Variants in CYP3A43 observed in about 807,000 individuals in gnomAD.
The protein encoded by CYP3A43 is cytochrome P450 family 3 subfamily A member 43.
A neutral mutation model predicts 58.0 loss-of-function variants in CYP3A43; 45 were observed. The ratio of observed to expected loss-of-function variants is 0.78; its 90% CI spans 0.61 to 0.99. The LOEUF is 0.99. Ranked by LOEUF, CYP3A43 falls within the 50% of genes least tolerant of loss-of-function variation. The probability of loss-of-function intolerance (pLI) is 0.00; values close to 1 mark genes in which losing one functional copy is unlikely to be tolerated. For synonymous variants in CYP3A43, 191 were observed against 201.4 expected (o/e 0.95, Z 0.44); for missense variants, 593 against 591.9 (o/e 1.00, Z -0.02).
At position 99,849,636 on chromosome 7, in the gene CYP3A43, G is replaced by A; in HGVS notation, c.612G>A (p.Leu204=). 6.2e-7 allele frequency: 1 copy of A among 1,612,046 alleles called. No homozygotes were observed. Among genetic ancestry groups the A allele is most frequent in the Non-Finnish European group, 8.5e-7 (1 of 1,179,536 alleles). ...DSLNNPQDPF[L]KNMKKLLKLD... is the part of the protein sequence containing the mutation. ...TCAACAATCCACAAGATCCCTTTCT[G>A]AAAAATATGAAGAAGCTTTTAAAAT... Residue 204 remains leucine, a synonymous_variant, in exon 7 of 13, where the codon CTG becomes CTA. Transcript: ENST00000354829.
intron 3 of CYP3A43, among the ~76,000 whole-genome samples, chr7:99,843,184 A>G (rs1817407867): frequency 6.6e-6 from 1 of 152,102 alleles, no homozygotes; most frequent in Admixed American, 6.6e-5. Flanking sequence ...TCAGAGCCTC[A>G]CAAGAATGTG....
chr7:99,863,418 A>C (rs1028504530), intron 11 of CYP3A43, 119 bp from the exon 12 acceptor site: 1 of 697,938 alleles, frequency 1.4e-6, no homozygotes, highest in Non-Finnish European at 2.1e-6. Context: ...TGTAATCCCA[A>C]CACTTTGGGA....
intron 1 of CYP3A43, 87 bp downstream of exon 1, chr7:99,828,273 T>C: frequency 2.7e-6 from 3 of 1,110,586 alleles, no homozygotes; most frequent in Middle Eastern, 4.3e-4. Flanking sequence ...GTTTTGAAGA[T>C]AAAAGAGATA....
rs141430012 is a variant in CYP3A43, at chr7:99,865,993, G to A, written c.1504G>A (p.Gly502Arg). 976 of 1,595,144 alleles carry A rather than the reference G, an allele frequency of 6.1e-4. 1 individual carries two copies. Among genetic ancestry groups the A allele is most frequent in the Non-Finnish European group, 8.1e-4 (944 of 1,170,284 alleles). The change falls in exon 13 of 13, where the codon GGA (glycine) becomes AGA (arginine). Residue 502 changes from glycine to arginine, a missense_variant. Gly to Arg is a moderately radical substitution (Grantham distance 125, BLOSUM62 -2). Transcript: ENST00000354829. ...KVHLRDGITS[G>R]P is the part of the protein sequence containing the mutation. ...GCACTTAAGAGATGGGATTACAAGT[G>A]GACCCTGACTTTCCCTAAGGACTTC...
Position 99,848,170 on chromosome 7 carries a change from T to A in CYP3A43, c.437T>A (p.Val146Asp). 6.2e-7 allele frequency: 1 copy of A among 1,614,072 alleles called. No individual in the cohort carries two copies. Residue 146 changes from valine (V) to aspartate (D), a missense_variant, in exon 6 of 13, where the codon GTC becomes GAC. Val to Asp is a radical substitution (Grantham distance 152). Transcript: ENST00000354829. ...ATGGGTGGTGTTGTGTTTTAGATGGTCCCCATCATTTCCCAATGTGGAGAT... is the reference window on the plus strand; with the variant it reads ...ATGGGTGGTGTTGTGTTTTAGATGGACCCCATCATTTCCCAATGTGGAGAT... The part of the protein sequence containing the change: ...AFTSVKFKEM[V>D]PIISQCGDML...
At chr7:99,833,393 A>T (rs989753704) in intron 1 of CYP3A43, among the ~76,000 whole-genome samples, 4 of 152,206 alleles carry the variant, frequency 2.6e-5, no homozygotes, top group African/African-American at 7.2e-5. Context: ...TCAATTGAGA[A>T]ATGCATTACA....
chr7:99,849,955 A>ACT, intron 7 of CYP3A43: 1 of 362,798 alleles, frequency 2.8e-6, no homozygotes, highest in Admixed American at 3.4e-5. Context: ...CTTCCTCACC[A>ACT]TTTTTTTTTT....
At chr7:99,856,232 G>A (rs192151887) in intron 8 of CYP3A43, among the ~76,000 whole-genome samples, 46 of 152,226 alleles carry the variant, frequency 3.0e-4, no homozygotes, top group African/African-American at 1.1e-3. Flanking sequence ...ACTGGGCAGG[G>A]GTCTTCTCTG....
Position 99,855,732 on chromosome 7 carries a change from G to A in CYP3A43, c.798+14G>A, listed in dbSNP as rs772203499. On this transcript the variant is annotated intron_variant, in intron 8 of 12. Coordinates refer to ENST00000354829, the MANE Select transcript of CYP3A43 (RefSeq NM_057095.3). Reference sequence around the variant, plus strand: ...GATAAACAAAAGGTAAAATCTGGTGGTGGTGACATGAGAATGTTCACTTTT... The same window carrying A: ...GATAAACAAAAGGTAAAATCTGGTGATGGTGACATGAGAATGTTCACTTTT... 1 of 1,596,098 alleles carries A rather than the reference G, an allele frequency of 6.3e-7. No homozygotes were observed. Among genetic ancestry groups the A allele is most frequent in the Non-Finnish European group, 8.5e-7 (1 of 1,171,254 alleles).
chr7:99,835,327 G>C (rs990579427), intron 1 of CYP3A43, among the ~76,000 whole-genome samples: 2 of 152,190 alleles, frequency 1.3e-5, no homozygotes, highest in Non-Finnish European at 2.9e-5. Context: ...GTTACAGTCT[G>C]GGCATCCGAT....
At chr7:99,841,038 A>G (rs1161029596) in intron 3 of CYP3A43, among the ~76,000 whole-genome samples, 1 of 152,122 alleles carries the variant, frequency 6.6e-6, no homozygotes, top group East Asian at 1.9e-4. Flanking sequence ...GGGAGTTTTT[A>G]CTTACTTCCA....
In CYP3A43 at chr7:99,863,663, G is replaced by A. The variant is rs200445167; in HGVS notation, c.1380G>A (p.Leu460=). The change falls in exon 12 of 13, where the codon CTG becomes CTA. Residue 460 remains leucine, a synonymous_variant. Coordinates refer to ENST00000354829, the MANE Select transcript of CYP3A43 (RefSeq NM_057095.3). ...TNIKLAVIRA[L]QNFSFKPCKE... ...TAAAACTTGCTGTCATTAGAGCACT[G>A]CAGAACTTCTCCTTCAAACCTTGTA... 8 of 1,610,964 alleles carry A rather than the reference G, an allele frequency of 5.0e-6. No individual in the cohort carries two copies. In the East Asian group the frequency reaches 1.8e-4, roughly 36 times the overall value.
chr7:99,849,955 A>ATGTTTTTT (rs1817690178), intron 7 of CYP3A43: 1 of 319,104 alleles, frequency 3.1e-6, no homozygotes, highest in African/African-American at 3.7e-5. Flanking sequence ...CTTCCTCACC[A>ATGTTTTTT]TTTTTTTTTT....
At chr7:99,844,119 T>A (rs1224667602) in intron 3 of CYP3A43, 24 bp from the exon 4 acceptor site, 1 of 1,591,430 alleles carries the variant, frequency 6.3e-7, no homozygotes, top group Admixed American at 1.8e-5. Flanking sequence ...CGAGGTTTAG[T>A]CAGCTCTGTT....
At chr7:99,855,503 T>C (rs1817938692) in intron 7 of CYP3A43, 88 bp from the exon 8 acceptor site, 4 of 1,457,142 alleles carry the variant, frequency 2.7e-6, no homozygotes, top group African/African-American at 1.4e-5. Context: ...CTGAAGTCTA[T>C]AGGTAGAGAA....
intron 12 of CYP3A43, among the ~76,000 whole-genome samples, chr7:99,865,159 T>A (rs1218245860): frequency 6.7e-6 from 1 of 148,420 alleles, no homozygotes; most frequent in Non-Finnish European, 1.5e-5. Context: ...TGATACTCCC[T>A]GGCAATTTCC....
chr7:99,854,903 G>A (rs62471958), intron 7 of CYP3A43, among the ~76,000 whole-genome samples: 6 of 144,616 alleles, frequency 4.1e-5, no homozygotes, highest in Admixed American at 2.1e-4. Context: ...TTTTTCTTTC[G>A]AGAGACATTT....
intron 4 of CYP3A43, 38 bp downstream of exon 4, chr7:99,844,280 A>G: frequency 1.9e-6 from 3 of 1,581,262 alleles, no homozygotes; most frequent in Non-Finnish European, 2.6e-6. Flanking sequence ...TCAAATTTTT[A>G]TTCTTAAATG....
intron 1 of CYP3A43, among the ~76,000 whole-genome samples, chr7:99,835,071 A>G (rs1327776068): frequency 1.3e-5 from 2 of 152,202 alleles, no homozygotes; most frequent in African/African-American, 4.8e-5. Context: ...GTGGGGTTGG[A>G]CACATCTGAG....
Sources: allele counts gnomAD v4.1 joint callset (sites outside exome capture counted in the v4.1 genomes callset), GRCh38; gene constraint gnomAD v4.1.1; transcripts MANE v1.5; gene names NCBI Gene and HGNC (gene_info 2026-07-23, HGNC 2026-07-21).